ATP5PF: variants seen among roughly 807,000 people sequenced by gnomAD.
ATP5PF encodes the protein ATP synthase peripheral stalk subunit F6, mitochondrial.
In ATP5PF, 7 loss-of-function variants were observed where a neutral mutation model predicts 12.0. The ratio of observed to expected loss-of-function variants is 0.58; its 90% CI spans 0.33 to 1.10. The LOEUF is 1.10. ATP5PF is among the 50% of genes least tolerant of loss of function. The pLI is 0.03. For synonymous variants in ATP5PF, 41 were observed against 45.4 expected (o/e 0.90, Z 0.39); for missense variants, 120 against 127.7 (o/e 0.94, Z 0.29).
rs1223421103 is a variant in ATP5PF at position 25,724,616 on chromosome 21, C to T, written c.*24G>A. 1.9e-6 allele frequency: 3 copies of T among 1,603,094 alleles called. No individual in the cohort carries two copies. The highest frequency in any genetic ancestry group is 1.7e-6 in the Non-Finnish European group (2 of 1,175,856). ...TGTACAACTAATCCGTGACAAATTA[C>T]CAGATTAATTTTACTTTATTTCTTC... On this transcript the variant is annotated 3_prime_UTR_variant, in exon 4 of 4. Coordinates refer to ENST00000284971, the MANE Select transcript of ATP5PF (RefSeq NM_001003703.2).
upstream of ATP5PF, chr21:25,734,975 C>A (rs777451017): frequency 5.8e-6 from 9 of 1,563,666 alleles, no homozygotes; most frequent in East Asian, 1.4e-4. Flanking sequence ...CCGTTTCAGT[C>A]GGTCGACGCT....
At position 25,725,443 on chromosome 21, in the gene ATP5PF, T is replaced by A. The variant is rs975978571; in HGVS notation, c.165-93A>T. The A allele has an allele frequency of 2.2e-6, 3 of 1,346,388 alleles. No individual in the cohort carries two copies. In the African/African-American group the frequency reaches 4.5e-5, roughly 20 times the overall value. 83.4% of individuals were successfully genotyped at this position (1,346,388 alleles called of 1,614,324 possible). ...ACCACCACATTCCAACAGATCTTTT[T>A]TTTTTTTTCTTTTTTGAGACGGAGT... On this transcript the variant is annotated intron_variant, in intron 2 of 3. Coordinates refer to ENST00000284971, the MANE Select transcript of ATP5PF (RefSeq NM_001003703.2).
intron 1 of ATP5PF, among the ~76,000 whole-genome samples, chr21:25,731,630 T>A (rs2034780972): frequency 6.6e-6 from 1 of 151,488 alleles, no homozygotes; most frequent in Non-Finnish European, 1.5e-5. Context: ...AATCTTCAAG[T>A]GAAAATCTGA....
intron 1 of ATP5PF, among the ~76,000 whole-genome samples, chr21:25,732,971 G>A (rs1259973637): frequency 1.4e-4 from 13 of 91,650 alleles, no homozygotes; most frequent in Non-Finnish European, 1.9e-5. Flanking sequence ...GGCAACAAGA[G>A]TGAAACTCTG....
chr21:25,733,397 G>A (rs1052103691), intron 1 of ATP5PF, among the ~76,000 whole-genome samples: 1 of 152,120 alleles, frequency 6.6e-6, no homozygotes, highest in Non-Finnish European at 1.5e-5. Context: ...AGGCGTGGTG[G>A]CGGGCACCTG....
intron 1 of ATP5PF, among the ~76,000 whole-genome samples, chr21:25,731,502 A>T (rs1230430727): frequency 6.6e-6 from 1 of 151,338 alleles, no homozygotes; most frequent in Admixed American, 6.6e-5. Flanking sequence ...CTCCCACCTT[A>T]GCCTCCCAAG....
intron 2 of ATP5PF, among the ~76,000 whole-genome samples, chr21:25,728,638 T>C (rs1417053245): frequency 6.6e-6 from 1 of 152,176 alleles, no homozygotes; most frequent in Non-Finnish European, 1.5e-5. Flanking sequence ...TGTGAGTAAA[T>C]TCTTCACGTT....
At chr21:25,731,018 G>A (rs952973628) in intron 1 of ATP5PF, among the ~76,000 whole-genome samples, 1 of 152,136 alleles carries the variant, frequency 6.6e-6, no homozygotes, top group African/African-American at 2.4e-5. Context: ...GAGGCAGGTG[G>A]ATCACTTGAG....
At chr21:25,731,735 A>G (rs1192351241) in intron 1 of ATP5PF, among the ~76,000 whole-genome samples, 1 of 152,094 alleles carries the variant, frequency 6.6e-6, no homozygotes, top group African/African-American at 2.4e-5. Context: ...TTATAATAGG[A>G]CTAGTGGAAG....
intron 1 of ATP5PF, among the ~76,000 whole-genome samples, chr21:25,731,020 T>A (rs1470341137): frequency 2.0e-5 from 3 of 152,036 alleles, no homozygotes; most frequent in Non-Finnish European, 4.4e-5. Flanking sequence ...GGCAGGTGGA[T>A]CACTTGAGGT....
intron 2 of ATP5PF, 112 bp downstream of exon 2, chr21:25,729,519 A>C: frequency 1.0e-6 from 1 of 961,576 alleles, no homozygotes; most frequent in South Asian, 2.4e-5. Context: ...TATGTCAGAG[A>C]TGAGCTCAGT....
At chr21:25,733,643 T>C (rs945952407) in intron 1 of ATP5PF, among the ~76,000 whole-genome samples, 2 of 152,162 alleles carry the variant, frequency 1.3e-5, no homozygotes, top group African/African-American at 2.4e-5. Flanking sequence ...AGGACATGCT[T>C]AACATTCAGC....
chr21:25,731,900 C>G (rs1033125745), intron 1 of ATP5PF, among the ~76,000 whole-genome samples: 3 of 152,092 alleles, frequency 2.0e-5, no homozygotes, highest in Non-Finnish European at 2.9e-5. Flanking sequence ...GCCTGGGAAA[C>G]ATGGAGAGAA....
At chr21:25,726,529 G>A (rs150912690) in intron 2 of ATP5PF, among the ~76,000 whole-genome samples, 2 of 152,272 alleles carry the variant, frequency 1.3e-5, no homozygotes, top group East Asian at 1.9e-4. Flanking sequence ...GGTGGTAAGG[G>A]ATTGGCTGTA....
intron 1 of ATP5PF, 181 bp downstream of exon 1, chr21:25,734,672 G>A (rs914130494): frequency 5.1e-6 from 3 of 590,036 alleles, no homozygotes; most frequent in South Asian, 2.9e-5. Context: ...TGGGTCTACG[G>A]CAAACTCCAA....
intron 1 of ATP5PF, chr21:25,734,474 A>C: frequency 1.3e-6 from 1 of 780,936 alleles, no homozygotes; most frequent in Non-Finnish European, 1.6e-6. Context: ...TTCCCTCTTA[A>C]TGGTACACGT....
At chr21:25,734,104 A>T (rs1169057134) in intron 1 of ATP5PF, among the ~76,000 whole-genome samples, 3 of 152,192 alleles carry the variant, frequency 2.0e-5, no homozygotes, top group Non-Finnish European at 2.9e-5. Flanking sequence ...TTCACTGATT[A>T]GTGAATGCAT....
At chr21:25,730,508 TG>T (rs2034733994) in intron 1 of ATP5PF, among the ~76,000 whole-genome samples, 1 of 151,596 alleles carries the variant, frequency 6.6e-6, no homozygotes, top group Admixed American at 6.6e-5. Flanking sequence ...CTGAGGCTGG[TG>T]GATCACCTGA....
intron 1 of ATP5PF, among the ~76,000 whole-genome samples, chr21:25,731,989 C>G (rs2034793172): frequency 6.6e-6 from 1 of 152,130 alleles, no homozygotes; most frequent in African/African-American, 2.4e-5. Flanking sequence ...TTTTGTAATT[C>G]ATTTTCACTG....
Sources: allele counts gnomAD v4.1 joint callset (sites outside exome capture counted in the v4.1 genomes callset), GRCh38; gene constraint gnomAD v4.1.1; transcripts MANE v1.5; gene names NCBI Gene and HGNC (gene_info 2026-07-23, HGNC 2026-07-21).